Variants in LSM8 observed in about 807,000 individuals in gnomAD.
The protein encoded by LSM8 is LSM8 U6 small nuclear RNA associated.
A neutral mutation model predicts 15.0 loss-of-function variants in LSM8; 14 were observed. The ratio of observed to expected loss-of-function variants is 0.93; its 90% CI spans 0.62 to 1.46. LSM8 has a LOEUF of 1.46. LSM8 is among the 40% of genes most tolerant of loss of function. LSM8 has a pLI of 0.00. For synonymous variants in LSM8, 50 were observed against 42.1 expected (o/e 1.19, Z -0.73); for missense variants, 90 against 115.4 (o/e 0.78, Z 1.01).
At chr7:118,188,541 C>T (rs2115916571) in intron 3 of LSM8, 136 bp downstream of exon 3, 2 of 768,978 alleles carry the variant, frequency 2.6e-6, no homozygotes, top group East Asian at 3.0e-5. Flanking sequence ...CGTAAATATA[C>T]CTTTTCTTAT....
At position 118,191,671 on chromosome 7, in the gene LSM8, T is replaced by C. The variant is rs1005486420; in HGVS notation, c.201-241T>C. The C allele has an allele frequency of 1.6e-4, 68 of 433,664 alleles. 1 individual carries two copies. Among genetic ancestry groups the C allele is most frequent in the South Asian group, 1.2e-3 (42 of 35,166 alleles). 26.9% of individuals were successfully genotyped at this position (433,664 alleles called of 1,614,324 possible). On this transcript the variant is annotated intron_variant, in intron 3 of 3. Coordinates refer to ENST00000249299, the MANE Select transcript of LSM8 (RefSeq NM_016200.5). ...TACAATCACTGTGTACAATGTGTCC[T>C]TTAATATTGGTTCCTGTAATAATGT...
Position 118,203,809 on chromosome 7 carries a change from A to C in LSM8, c.*11807A>C, listed in dbSNP as rs1229055829. 1.3e-5 allele frequency among the ~76,000 whole-genome samples: 2 copies of C among 151,740 alleles called. No individual in the cohort carries two copies. The highest frequency in any genetic ancestry group is 3.0e-5 in the Non-Finnish European group (2 of 67,756). The stretch of plus-strand genomic sequence containing the variant: ...TGCACATGTATATTATAATATACTC[A>C]TCCTTTATATTTATCATGCTTTTTT... On this transcript the variant is annotated 3_prime_UTR_variant, in exon 4 of 4. Transcript: ENST00000249299.
rs1808996080 is a variant in LSM8 at position 118,192,278 on chromosome 7, T to C, written c.*276T>C. 8.0e-6 allele frequency: 2 copies of C among 250,410 alleles called. No individual in the cohort carries two copies. The highest frequency in any genetic ancestry group is 1.5e-4 in the South Asian group (2 of 13,278). 15.5% of individuals were successfully genotyped at this position (250,410 alleles called of 1,614,324 possible). A position where few individuals can be genotyped will look rare whatever the true frequency, so the allele number is the denominator to read the frequency against. ...TTTAGAAAAAAGTAGTACTTTTTGATACTTTAGTATTTATGGAAACTAGTG... is the reference window on the plus strand; with the variant it reads ...TTTAGAAAAAAGTAGTACTTTTTGACACTTTAGTATTTATGGAAACTAGTG... On this transcript the variant is annotated 3_prime_UTR_variant, in exon 4 of 4. Coordinates refer to ENST00000249299, the MANE Select transcript of LSM8 (RefSeq NM_016200.5).
In LSM8 at chr7:118,192,628, G is replaced by A. The variant is rs1431134096; in HGVS notation, c.*626G>A. 6.6e-6 allele frequency: 1 copy of A among 152,128 alleles called. No individual in the cohort carries two copies. Among genetic ancestry groups the A allele is most frequent in the Non-Finnish European group, 1.5e-5 (1 of 67,984 alleles). 9.4% of individuals were successfully genotyped at this position (152,128 alleles called of 1,614,324 possible). A position where few individuals can be genotyped will look rare whatever the true frequency, so the allele number is the denominator to read the frequency against. ...TAGGAATGGTAGAATTGACAGAGATGATTAGTAAAGTCTCTTGATGCCCAA... is the reference window on the plus strand; with the variant it reads ...TAGGAATGGTAGAATTGACAGAGATAATTAGTAAAGTCTCTTGATGCCCAA... On this transcript the variant is annotated 3_prime_UTR_variant, in exon 4 of 4. Transcript: ENST00000249299.
chr7:118,197,743 G>C lies in LSM8; in HGVS notation c.*5741G>C, dbSNP rs961412636. 6.6e-6 allele frequency among the ~76,000 whole-genome samples: 1 copy of C among 152,084 alleles called. No individual in the cohort carries two copies. The highest frequency in any genetic ancestry group is 1.5e-5 in the Non-Finnish European group (1 of 68,010). The stretch of plus-strand genomic sequence containing the variant: ...TTTTTAAAAGGAAATTGTTGATTAG[G>C]GTCTTGGGCTAGTCCAGTGTAGCAT... On this transcript the variant is annotated 3_prime_UTR_variant, in exon 4 of 4. Transcript: ENST00000249299.
chr7:118,191,890 G>A, intron 3 of LSM8, 22 bp from the exon 4 acceptor site: 1 of 1,559,744 alleles, frequency 6.4e-7, no homozygotes, highest in Non-Finnish European at 8.8e-7. Context: ...AAATGTGATT[G>A]TTTTAACTCT....
At chr7:118,189,959 G>T (rs745697952) in intron 3 of LSM8, 9 of 152,082 alleles carry the variant, frequency 5.9e-5, no homozygotes, top group Non-Finnish European at 1.3e-4. Flanking sequence ...GCCAGTATTA[G>T]TATAGTTATA....
intron 3 of LSM8, 94 bp downstream of exon 3, chr7:118,188,499 C>T (rs1297168937): frequency 1.8e-6 from 2 of 1,123,354 alleles, no homozygotes; most frequent in African/African-American, 1.6e-5. Flanking sequence ...ATTGTCCATA[C>T]ATAGTTAATA....
Position 118,201,437 on chromosome 7 carries a change from C to T in LSM8, c.*9435C>T, listed in dbSNP as rs965390628. On this transcript the variant is annotated 3_prime_UTR_variant, in exon 4 of 4. Coordinates refer to ENST00000249299, the MANE Select transcript of LSM8 (RefSeq NM_016200.5). ...TCCAGCGATGCCTAAAGATGTGACTCCTAGACTTTTCACTTACATGAGCCA... is the reference window on the plus strand; with the variant it reads ...TCCAGCGATGCCTAAAGATGTGACTTCTAGACTTTTCACTTACATGAGCCA... Among the ~76,000 whole-genome samples the T allele has an allele frequency of 2.6e-5, 4 of 152,024 alleles. No homozygotes were observed. The highest frequency in any genetic ancestry group is 4.1e-4 in the South Asian group (2 of 4,826).
chr7:118,186,086 G>A (rs944071413), intron 2 of LSM8, among the ~76,000 whole-genome samples: 1 of 151,946 alleles, frequency 6.6e-6, no homozygotes, highest in African/African-American at 2.4e-5. Flanking sequence ...TAACATTTAA[G>A]GCTTGTATAC....
In LSM8 at chr7:118,202,710, G is replaced by T. The variant is rs998361112; in HGVS notation, c.*10708G>T. On this transcript the variant is annotated 3_prime_UTR_variant, in exon 4 of 4. Transcript: ENST00000249299. ...ATTTTGCCACTCCAAATAAAAAAAG[G>T]GTTGCTGTTAGGAAAAAGAGAAGAA... Among the ~76,000 whole-genome samples, 2 of 149,754 alleles carry T rather than the reference G, an allele frequency of 1.3e-5. No homozygotes were observed. The highest frequency in any genetic ancestry group is 4.9e-5 in the African/African-American group (2 of 40,506).
Position 118,203,114 on chromosome 7 carries a change from A to G in LSM8, c.*11112A>G, listed in dbSNP as rs1020655838. Among the ~76,000 whole-genome samples, 3 of 151,962 alleles carry G rather than the reference A, an allele frequency of 2.0e-5. No homozygotes were observed. The highest frequency in any genetic ancestry group is 6.6e-5 in the Admixed American group (1 of 15,210). ...ACGTTCTATCCCAAGACATCAGAAT[A>G]TATATTCTTTTTAAACATTTAATGA... On this transcript the variant is annotated 3_prime_UTR_variant, in exon 4 of 4. Coordinates refer to ENST00000249299, the MANE Select transcript of LSM8 (RefSeq NM_016200.5).
chr7:118,195,907 C>T lies in LSM8; in HGVS notation c.*3905C>T, dbSNP rs1316076980. On this transcript the variant is annotated 3_prime_UTR_variant, in exon 4 of 4. Transcript: ENST00000249299. The stretch of plus-strand genomic sequence containing the variant: ...CATAGTGCTCCCATTAAACTAGCGA[C>T]AAATTCATTTAATTGTGAGATATCT... 6.6e-6 allele frequency among the ~76,000 whole-genome samples: 1 copy of T among 152,104 alleles called. No individual in the cohort carries two copies. Among genetic ancestry groups the T allele is most frequent in the Non-Finnish European group, 1.5e-5 (1 of 67,994 alleles).
chr7:118,198,635 A>G lies in LSM8; in HGVS notation c.*6633A>G, dbSNP rs1809119809. 6.6e-6 allele frequency among the ~76,000 whole-genome samples: 1 copy of G among 152,208 alleles called. No individual in the cohort carries two copies. Among genetic ancestry groups the G allele is most frequent in the Non-Finnish European group, 1.5e-5 (1 of 68,030 alleles). The stretch of plus-strand genomic sequence containing the variant: ...CTTGTGCTTGACCCTAAGGATAGTA[A>G]GGATTTCCATAGATGGTTAGGAAAA... On this transcript the variant is annotated 3_prime_UTR_variant, in exon 4 of 4. Transcript: ENST00000249299.
chr7:118,185,468 C>G, intron 1 of LSM8, 186 bp from the exon 2 acceptor site: 1 of 579,678 alleles, frequency 1.7e-6, no homozygotes, highest in Admixed American at 3.0e-5. Context: ...CTGGTCTCAC[C>G]TCAAGTGATC....
intron 3 of LSM8, chr7:118,191,287 C>G (rs757105228): frequency 2.0e-5 from 3 of 152,068 alleles, no homozygotes; most frequent in Non-Finnish European, 4.4e-5. Context: ...GTTATAGATA[C>G]TATGTTAGTG....
In LSM8 at chr7:118,202,601, C is replaced by T. The variant is rs1048466713; in HGVS notation, c.*10599C>T. ...ACTGGCAAAATATACTGCTTGAATG[C>T]CATTGGCCAGATCTTTGTCATATGG... On this transcript the variant is annotated 3_prime_UTR_variant, in exon 4 of 4. Coordinates refer to ENST00000249299, the MANE Select transcript of LSM8 (RefSeq NM_016200.5). Among the ~76,000 whole-genome samples, 1 of 151,918 alleles carries T rather than the reference C, an allele frequency of 6.6e-6. No individual in the cohort carries two copies. Among genetic ancestry groups the T allele is most frequent in the Non-Finnish European group, 1.5e-5 (1 of 67,922 alleles).
chr7:118,184,282 T>G, intron 1 of LSM8, 28 bp downstream of exon 1: 1 of 1,469,356 alleles, frequency 6.8e-7, no homozygotes, highest in Admixed American at 2.4e-5. Flanking sequence ...GCCGCGGGCG[T>G]GAGCCGGGGT....
In LSM8 at chr7:118,198,629, A is replaced by G. The variant is rs62466514; in HGVS notation, c.*6627A>G. Among the ~76,000 whole-genome samples the G allele has an allele frequency of 0.05, 7,638 of 152,248 alleles. 228 individuals carry two copies. Among genetic ancestry groups the G allele is most frequent in the Admixed American group, 0.088 (1,352 of 15,286 alleles). ...GGATGACTTGTGCTTGACCCTAAGGATAGTAAGGATTTCCATAGATGGTTA... is the reference window on the plus strand; with the variant it reads ...GGATGACTTGTGCTTGACCCTAAGGGTAGTAAGGATTTCCATAGATGGTTA... On this transcript the variant is annotated 3_prime_UTR_variant, in exon 4 of 4. Coordinates refer to ENST00000249299, the MANE Select transcript of LSM8 (RefSeq NM_016200.5).
Sources: allele counts gnomAD v4.1 joint callset (sites outside exome capture counted in the v4.1 genomes callset), GRCh38; gene constraint gnomAD v4.1.1; transcripts MANE v1.5; gene names NCBI Gene and HGNC (gene_info 2026-07-23, HGNC 2026-07-21).